The following ABR variants were observed in gnomAD, a reference collection of about 807,000 sequenced individuals.
ABR encodes the protein ABR activator of RhoGEF and GTPase, also known as active breakpoint cluster region-related protein.
A neutral mutation model predicts 107.2 loss-of-function variants in ABR; 35 were observed. The observed-to-expected ratio is 0.33, with a 90% CI of 0.25 to 0.43. The LOEUF (loss-of-function observed/expected upper bound fraction) is 0.43, where lower values mean the gene tolerates loss of function less well. ABR is among the 20% of genes least tolerant of loss of function. The probability of loss-of-function intolerance (pLI) is 1.00; values close to 1 mark genes in which losing one functional copy is unlikely to be tolerated. For missense variants in ABR, 815 were observed against 1,115.2 expected (o/e 0.73, Z 3.83); for synonymous variants, 498 against 462.0 (o/e 1.08, Z -1.00).
Position 1,092,714 on chromosome 17 carries a change from A to C in ABR, c.346-864T>G, listed in dbSNP as rs76361995. 4.8e-5 allele frequency among the ~76,000 whole-genome samples: 7 copies of C among 146,874 alleles called. No individual in the cohort carries two copies. In the South Asian group the frequency reaches 1.6e-3, roughly 33 times the overall value. Reference sequence around the variant, plus strand: ...AATATGAATAATCAGAAAAAAAAAAACCAAAGATGACCAGGCTGTACTGCA... The same window carrying C: ...AATATGAATAATCAGAAAAAAAAAACCCAAAGATGACCAGGCTGTACTGCA... On this transcript the variant is annotated intron_variant, in intron 3 of 22. Transcript: ENST00000302538. The surrounding 1 kb of genome is among the most constrained non-coding windows in gnomAD (Gnocchi z 4.6).
At chr17:1,041,686 C>G (rs2030528298) in intron 16 of ABR, among the ~76,000 whole-genome samples, 1 of 152,144 alleles carries the variant, frequency 6.6e-6, no homozygotes, top group Admixed American at 6.5e-5. Flanking sequence ...TGAGCCAAGA[C>G]TGCGCCATTA....
chr17:1,062,229 GA>G (rs2034052511), intron 10 of ABR, among the ~76,000 whole-genome samples: 1 of 150,612 alleles, frequency 6.6e-6, no homozygotes, highest in Admixed American at 6.6e-5. Flanking sequence ...TGTTCCTCTA[GA>G]CGCTGCTGTT....
intron 20 of ABR, 134 bp from the exon 21 acceptor site, chr17:1,009,918 G>T (rs2070391055): frequency 1.4e-5 from 10 of 735,502 alleles, no homozygotes; most frequent in Non-Finnish European, 2.1e-5. Flanking sequence ...CCCCACAGGG[G>T]AGGGCCTGGT....
At chr17:1,031,516 GCCCCCGC>G in intron 16 of ABR, 1 of 200,834 alleles carries the variant, frequency 5.0e-6, no homozygotes, top group East Asian at 1.4e-4. Flanking sequence ...GACCCCATCA[GCCCCCGC>G]AGCCCCCGCA....
At chr17:1,013,883 G>T (rs2070882367) in intron 16 of ABR, among the ~76,000 whole-genome samples, 1 of 152,208 alleles carries the variant, frequency 6.6e-6, no homozygotes, top group African/African-American at 2.4e-5. Context: ...ACACAGGACT[G>T]TTCCACGTTC....
At chr17:1,171,480 C>T (rs1374076988) in intron 1 of ABR, among the ~76,000 whole-genome samples, 1 of 152,196 alleles carries the variant, frequency 6.6e-6, no homozygotes, top group East Asian at 1.9e-4. Flanking sequence ...GACAAGGACT[C>T]TGAGCTTCCT....
chr17:1,007,689 C>T (rs2070166635), intron 21 of ABR, among the ~76,000 whole-genome samples: 1 of 152,226 alleles, frequency 6.6e-6, no homozygotes, highest in Non-Finnish European at 1.5e-5. Context: ...TATCGTCACC[C>T]CCATCGTGTA....
intron 4 of ABR, among the ~76,000 whole-genome samples, chr17:1,087,628 AGGGAGTACTGAGGCCC>A (rs1400328350): frequency 1.3e-5 from 2 of 152,136 alleles, no homozygotes; most frequent in Non-Finnish European, 2.9e-5. Context: ...TTCCTTTTCC[AGGGAGTACTGAGGCCC>A]GGCCCATCAA....
chr17:1,044,407 T>C (rs1476234047), intron 16 of ABR, among the ~76,000 whole-genome samples: 1 of 152,124 alleles, frequency 6.6e-6, no homozygotes, highest in African/African-American at 2.4e-5. Context: ...CCCAGCACTT[T>C]GGGAGGCTGA....
intron 1 of ABR, among the ~76,000 whole-genome samples, chr17:1,223,095 G>A (rs1278538218): frequency 4.0e-5 from 6 of 150,310 alleles, no homozygotes; most frequent in Admixed American, 1.3e-4. Flanking sequence ...CCAGCTACTC[G>A]GGGGGCTGAG....
chr17:1,087,604 G>A (rs576775197), intron 4 of ABR, among the ~76,000 whole-genome samples: 1 of 152,214 alleles, frequency 6.6e-6, no homozygotes, highest in East Asian at 1.9e-4. Flanking sequence ...GGGGCCGGAC[G>A]GGAGGGAGTT....
At chr17:1,061,554 T>TG (rs961963094) in intron 10 of ABR, among the ~76,000 whole-genome samples, 9 of 79,164 alleles carry the variant, frequency 1.1e-4, no homozygotes, top group African/African-American at 4.2e-4. Context: ...AGTGCCTTTT[T>TG]TTTTTTGAGA....
At chr17:1,022,419 G>A (rs554174586) in intron 16 of ABR, 8 of 153,112 alleles carry the variant, frequency 5.2e-5, no homozygotes, top group East Asian at 3.9e-4. Flanking sequence ...GACCACAGGC[G>A]TGAGAGGCAC....
At position 1,084,014 on chromosome 17, in the gene ABR, A is replaced by G. The variant is rs967986088; in HGVS notation, c.532-387T>C. ...CTGGAATTAGCCGGAGCAGGGAGAG[A>G]GGGGGGTGTGTGTGCTGGGGGGAGC... On this transcript the variant is annotated intron_variant, in intron 4 of 22. Transcript: ENST00000302538. The surrounding 1 kb of genome is among the most constrained non-coding windows in gnomAD (Gnocchi z 4.2). 6.6e-6 allele frequency among the ~76,000 whole-genome samples: 1 copy of G among 151,352 alleles called. No individual in the cohort carries two copies. The highest frequency in any genetic ancestry group is 2.4e-5 in the African/African-American group (1 of 41,094).
chr17:1,134,941 G>A lies in ABR; in HGVS notation c.62-9574C>T, dbSNP rs77578125. 4.6e-5 allele frequency among the ~76,000 whole-genome samples: 7 copies of A among 152,370 alleles called. No homozygotes were observed. The East Asian group carries it at 9.6e-4, about 21-fold the overall frequency. On this transcript the variant is annotated intron_variant, in intron 1 of 22. Coordinates refer to ENST00000302538, the MANE Select transcript of ABR (RefSeq NM_021962.5). Reference sequence around the variant, plus strand: ...CGACACAGGATCAAGTGCACGGGCCGCTGCGGGGGTTAAACTGGATGACAC... The same window carrying A: ...CGACACAGGATCAAGTGCACGGGCCACTGCGGGGGTTAAACTGGATGACAC...
Position 1,054,326 on chromosome 17 carries a change from C to T in ABR, c.1561+1709G>A, listed in dbSNP as rs114487843. 5.5e-3 allele frequency among the ~76,000 whole-genome samples: 843 copies of T among 152,342 alleles called. 11 individuals are homozygous for T. Among genetic ancestry groups the T allele is most frequent in the African/African-American group, 0.019 (795 of 41,572 alleles). ...AACGACTTCATTCCACATTTCTGAG[C>T]TCCCATGCATCCCAGGGTAAAGGAG... On this transcript the variant is annotated intron_variant, in intron 14 of 22. Transcript: ENST00000302538.
chr17:1,073,686 G>A lies in ABR; in HGVS notation c.701-9C>T, dbSNP rs201644444. ...GGGCTTGTAGAGCAGAGCTGTCGGGGGAGACAGGGAGAAGGAGGAAGAGGA... is the reference window on the plus strand; with the variant it reads ...GGGCTTGTAGAGCAGAGCTGTCGGGAGAGACAGGGAGAAGGAGGAAGAGGA... On this transcript the variant is annotated splice_polypyrimidine_tract_variant and intron_variant, in intron 6 of 22. Transcript: ENST00000302538. The A allele has an allele frequency of 4.9e-5, 79 of 1,600,238 alleles. No homozygotes were observed. The Middle Eastern group carries it at 5.0e-4, about 10-fold the overall frequency.
chr17:1,216,564 A>C (rs1006740899), intron 1 of ABR, among the ~76,000 whole-genome samples: 4 of 152,206 alleles, frequency 2.6e-5, no homozygotes, highest in Admixed American at 6.5e-5. Flanking sequence ...TTTCAAGAAA[A>C]TCCAGAAATC....
chr17:1,153,374 G>A (rs1356867449), intron 1 of ABR, among the ~76,000 whole-genome samples: 6 of 148,324 alleles, frequency 4.0e-5, no homozygotes, highest in Non-Finnish European at 7.5e-5. Context: ...GCACACCTGC[G>A]GGAGGGCTGG....
Sources: gnomAD v4.1 joint callset for allele counts (sites outside exome capture counted in the v4.1 genomes callset) on GRCh38, gnomAD v4.1.1 for gene constraint, Gnocchi (gnomAD v3.1) non-coding constraint, MANE v1.5 for transcripts, NCBI Gene and HGNC (gene_info 2026-07-23, HGNC 2026-07-21) for gene names.